Variants in IGFN1 observed in about 807,000 individuals in gnomAD.
The protein encoded by IGFN1 is immunoglobulin like and fibronectin type III domain containing 1.
A neutral mutation model predicts 289.5 loss-of-function variants in IGFN1; 253 were observed. The observed-to-expected ratio is 0.87, with a 90% CI of 0.79 to 0.97. The LOEUF (loss-of-function observed/expected upper bound fraction) is 0.97, where lower values mean the gene tolerates loss of function less well. Ranked by LOEUF, IGFN1 falls within the 50% of genes least tolerant of loss-of-function variation. The probability of loss-of-function intolerance (pLI) is 0.00; values close to 1 mark genes in which losing one functional copy is unlikely to be tolerated. For missense variants in IGFN1, 4,470 were observed against 4,686.1 expected (o/e 0.95, Z 1.35); for synonymous variants, 1,706 against 1,788.5 (o/e 0.95, Z 1.16).
chr1:201,194,347 C>A (rs1666795548), intron 3 of IGFN1, 74 bp downstream of exon 3: 2 of 1,506,318 alleles, frequency 1.3e-6, no homozygotes, highest in Non-Finnish European at 1.8e-6. Flanking sequence ...AGGGCTGGGG[C>A]ACCAACCTTC....
At position 201,224,683 on chromosome 1, in the gene IGFN1, T is replaced by C; in HGVS notation, c.10295T>C (p.Met3432Thr). 1 of 1,613,848 alleles carries C rather than the reference T, an allele frequency of 6.2e-7. No homozygotes were observed. Residue 3432 changes from methionine (M) to threonine (T), a missense_variant, in exon 21 of 24, where the codon ATG becomes ACG. Transcript: ENST00000335211. Reference sequence around the variant, plus strand: ...TTCCTTCCTCTCCTTTCTCAGGCCATGCCCATGCCTGAGGTGACCTGGCTG... The same window carrying C: ...TTCCTTCCTCTCCTTTCTCAGGCCACGCCCATGCCTGAGGTGACCTGGCTG... Reference protein sequence around the residue: ...TVRVPVSFEAMPMPEVTWLKD... With the variant: ...TVRVPVSFEATPMPEVTWLKD...
Position 201,212,234 on chromosome 1 carries a change from G to T in IGFN1, c.7341G>T (p.Val2447=). 2 of 1,534,686 alleles carry T rather than the reference G, an allele frequency of 1.3e-6. No individual in the cohort carries two copies. The highest frequency in any genetic ancestry group is 1.7e-4 in the Middle Eastern group (1 of 5,980). ...AHRDSLRGTG[V]LGSQGGRQTL... ...GAGACAGCCTCAGGGGCACAGGGGT[G>T]CTGGGGTCTCAGGGAGGGCGACAGA... The change falls in exon 12 of 24, where the codon GTG becomes GTT. Residue 2447 remains valine (V), a synonymous_variant. Coordinates refer to ENST00000335211, the MANE Select transcript of IGFN1 (RefSeq NM_001164586.2).
In IGFN1 at chr1:201,194,193, G is replaced by C. The variant is rs1196196544; in HGVS notation, c.47G>C (p.Trp16Ser). The C allele has an allele frequency of 1.1e-5, 17 of 1,551,516 alleles. No individual in the cohort carries two copies. Among genetic ancestry groups the C allele is most frequent in the Non-Finnish European group, 1.5e-5 (17 of 1,146,962 alleles). Residue 16 changes from tryptophan to serine, a missense_variant, in exon 3 of 24, where the codon TGG becomes TCG. Transcript: ENST00000335211. Reference protein sequence around the residue: ...RKSHIPGVSIWQLVEEIPEGC... With the variant: ...RKSHIPGVSISQLVEEIPEGC... ...TCCCACATCCCTGGAGTGAGCATCT[G>C]GCAGCTGGTGGAGGAGATCCCTGAA...
At chr1:201,220,015 T>TCTCC (rs1653614497) in intron 18 of IGFN1, among the ~76,000 whole-genome samples, 3 of 151,524 alleles carry the variant, frequency 2.0e-5, no homozygotes, top group Non-Finnish European at 2.9e-5. Context: ...TCTCTCTCTC[T>TCTCC]CTCCCCCTTC....
intron 18 of IGFN1, 45 bp downstream of exon 18, chr1:201,218,703 G>A (rs924850062): frequency 6.4e-7 from 1 of 1,567,174 alleles, no homozygotes; most frequent in African/African-American, 1.3e-5. Flanking sequence ...GTGAGCATGG[G>A]ATAGCCCTGA....
At chr1:201,191,574 C>T (rs1253187752) in intron 1 of IGFN1, among the ~76,000 whole-genome samples, 2 of 152,180 alleles carry the variant, frequency 1.3e-5, no homozygotes, top group East Asian at 1.9e-4. Flanking sequence ...AATTCATTTC[C>T]TTTCTCATCC....
intron 4 of IGFN1, among the ~76,000 whole-genome samples, chr1:201,196,795 G>T (rs78470329): frequency 7.2e-5 from 11 of 152,268 alleles, no homozygotes; most frequent in African/African-American, 2.6e-4. Context: ...CTATGTCCCA[G>T]GGGCTAAATA....
chr1:201,219,965 C>A (rs950411415), intron 18 of IGFN1, among the ~76,000 whole-genome samples: 46 of 143,156 alleles, frequency 3.2e-4, no homozygotes, highest in African/African-American at 1.1e-3. Context: ...CTCTCCTTCT[C>A]TCTTTCTTTC....
Position 201,208,033 on chromosome 1 carries a change from A to T in IGFN1, c.3140A>T (p.Asp1047Val). 1 of 1,536,884 alleles carries T rather than the reference A, an allele frequency of 6.5e-7. No individual in the cohort carries two copies. The change falls in exon 12 of 24, where the codon GAT becomes GTT. Residue 1047 changes from aspartate to valine, a missense_variant. Transcript: ENST00000335211. ...CTTAAAAATGGCTCAGGTGGTCCTGATGGAGCACCCATGAATGACACCAGG... is the reference window on the plus strand; with the variant it reads ...CTTAAAAATGGCTCAGGTGGTCCTGTTGGAGCACCCATGAATGACACCAGG... ...ASLKNGSGGPDGAPMNDTRNW... is the reference protein window; with the variant it reads ...ASLKNGSGGPVGAPMNDTRNW...
At position 201,211,938 on chromosome 1, in the gene IGFN1, G is replaced by C; in HGVS notation, c.7045G>C (p.Glu2349Gln). ...SYRGGSGGSG[E>Q]TGPEGKMGYG... ...TAGAGGAGGCTCAGGAGGATCTGGGGAAACGGGACCAGAGGGTAAGATGGG... is the reference window on the plus strand; with the variant it reads ...TAGAGGAGGCTCAGGAGGATCTGGGCAAACGGGACCAGAGGGTAAGATGGG... Residue 2349 changes from glutamate (E) to glutamine (Q), a missense_variant, in exon 12 of 24, where the codon GAA (glutamate) becomes CAA (glutamine). This residue lies in a region of IGFN1 where 2,218 missense variants were observed against 2,114.1 expected (regional missense o/e 1.05). Transcript: ENST00000335211. The C allele has an allele frequency of 6.5e-7, 1 of 1,528,126 alleles. No homozygotes were observed. The highest frequency in any genetic ancestry group is 8.8e-7 in the Non-Finnish European group (1 of 1,142,176). The allele number at this position is 1,528,126 out of a possible 1,614,324, so 94.7% of individuals were successfully genotyped here. A position where few individuals can be genotyped will look rare whatever the true frequency, so the allele number is the denominator to read the frequency against.
intron 20 of IGFN1, 33 bp downstream of exon 20, chr1:201,222,860 G>GC: frequency 6.7e-7 from 1 of 1,492,790 alleles, no homozygotes; most frequent in Non-Finnish European, 9.3e-7. Flanking sequence ...GGGGAGGGAA[G>GC]CCCAGAGAGG....
rs150422701 is a variant in IGFN1 at position 201,217,344 on chromosome 1, C to T, written c.9653C>T (p.Thr3218Ile). Reference protein sequence around the residue: ...AILSASSQGITLTWTAPRGPG... With the variant: ...AILSASSQGIILTWTAPRGPG... ...CTGTCGGCCTCCAGCCAGGGCATCA[C>T]ACTGACATGGACAGCACCTCGGGGC... is the stretch of plus-strand genomic sequence containing the variant. The change falls in exon 17 of 24, where the codon ACA (threonine) becomes ATA (isoleucine). Residue 3218 changes from threonine (T) to isoleucine (I), a missense_variant. By Grantham distance (89) the Thr-to-Ile change is moderately conservative. Transcript: ENST00000335211. The T allele has an allele frequency of 5.0e-6, 8 of 1,614,074 alleles. No individual in the cohort carries two copies. The African/African-American group carries it at 1.1e-4, about 22-fold the overall frequency.
chr1:201,214,938 G>T (rs1448010749), intron 13 of IGFN1, 75 bp from the exon 14 acceptor site: 11 of 1,491,506 alleles, frequency 7.4e-6, no homozygotes, highest in East Asian at 2.3e-5. Flanking sequence ...CATCAGTAAA[G>T]GGCTCTGGTT....
At position 201,211,033 on chromosome 1, in the gene IGFN1, G is replaced by T; in HGVS notation, c.6140G>T (p.Gly2047Val). ...DLGAPERIGS[G>V]SKAGFRDGLG... Reference sequence around the variant, plus strand: ...GGGGCTCCTGAGAGAATAGGTTCAGGAAGTAAGGCAGGTTTTAGGGATGGT... The same window carrying T: ...GGGGCTCCTGAGAGAATAGGTTCAGTAAGTAAGGCAGGTTTTAGGGATGGT... The change falls in exon 12 of 24, where the codon GGA becomes GTA. Residue 2047 changes from glycine to valine, a missense_variant. Gly to Val is a moderately radical substitution (Grantham distance 109). Coordinates refer to ENST00000335211, the MANE Select transcript of IGFN1 (RefSeq NM_001164586.2). 6.7e-7 allele frequency: 1 copy of T among 1,497,988 alleles called. No homozygotes were observed. Among genetic ancestry groups the T allele is most frequent in the Non-Finnish European group, 8.9e-7 (1 of 1,123,856 alleles). The allele number at this position is 1,497,988 out of a possible 1,614,324, so 92.8% of individuals were successfully genotyped here.
rs373760324 is a variant in IGFN1 at position 201,217,324 on chromosome 1, G to A, written c.9633G>A (p.Ser3211=). The change falls in exon 17 of 24, where the codon TCG becomes TCA. Residue 3211 remains serine (S), a synonymous_variant. Transcript: ENST00000335211. ...PKAPSAPAIL[S]ASSQGITLTW... ...CCCCTTCCGCGCCAGCCATCCTGTCGGCCTCCAGCCAGGGCATCACACTGA... is the reference window on the plus strand; with the variant it reads ...CCCCTTCCGCGCCAGCCATCCTGTCAGCCTCCAGCCAGGGCATCACACTGA... The A allele has an allele frequency of 3.1e-5, 50 of 1,613,934 alleles. No homozygotes were observed. The highest frequency in any genetic ancestry group is 1.3e-4 in the Admixed American group (8 of 59,998).
rs1667430468 is a variant in IGFN1 at position 201,206,550 on chromosome 1, T to C, written c.1657T>C (p.Trp553Arg). ...CAGAGACAGCAACAGTGATGAATGC[T>C]GGAGGAAAGCAGGAGGCTGGGAGGC... ...RGRDSNSDEC[W>R]RKAGGWEAGS... Residue 553 changes from tryptophan to arginine, a missense_variant, in exon 12 of 24, where the codon TGG (tryptophan) becomes CGG (arginine). By Grantham distance (101) the Trp-to-Arg change is moderately radical. This residue lies in a region of IGFN1 where 2,011 missense variants were observed against 1,953.4 expected (regional missense o/e 1.03). Transcript: ENST00000335211. 2 of 1,550,750 alleles carry C rather than the reference T, an allele frequency of 1.3e-6. No homozygotes were observed. The highest frequency in any genetic ancestry group is 1.7e-6 in the Non-Finnish European group (2 of 1,146,986).
At position 201,206,655 on chromosome 1, in the gene IGFN1, C is replaced by T. The variant is rs1296771410; in HGVS notation, c.1762C>T (p.Leu588=). Residue 588 remains leucine, a synonymous_variant, in exon 12 of 24, where the codon CTG becomes TTG. Transcript: ENST00000335211. ...KEHRGDSGRQ[L]DRHAPEQLWD... is the part of the protein sequence containing the mutation. ...GCACAGAGGGGACAGTGGAAGACAA[C>T]TGGACAGGCATGCCCCAGAGCAACT... 6.5e-7 allele frequency: 1 copy of T among 1,537,930 alleles called. No individual in the cohort carries two copies. The highest frequency in any genetic ancestry group is 1.2e-5 in the South Asian group (1 of 84,054).
intron 2 of IGFN1, among the ~76,000 whole-genome samples, chr1:201,193,536 C>T (rs1159513030): frequency 1.3e-5 from 2 of 152,192 alleles, no homozygotes; most frequent in African/African-American, 4.8e-5. Context: ...ACTGCAACCT[C>T]CACCTCCCAG....
chr1:201,216,542 T>G lies in IGFN1; in HGVS notation c.9384T>G (p.Asn3128Lys). ...VCLRWRPPRD[N>K]GGRTVECYVV... Reference sequence around the variant, plus strand: ...TCCGCTGGCGGCCCCCAAGGGACAATGGGGGCCGGACTGTAGAGTGCTACG... The same window carrying G: ...TCCGCTGGCGGCCCCCAAGGGACAAGGGGGGCCGGACTGTAGAGTGCTACG... The change falls in exon 16 of 24, where the codon AAT becomes AAG. Residue 3128 changes from asparagine (N) to lysine (K), a missense_variant. Physicochemically the swap from Asn to Lys is moderately conservative, Grantham distance 94. Coordinates refer to ENST00000335211, the MANE Select transcript of IGFN1 (RefSeq NM_001164586.2). 2.5e-6 allele frequency: 4 copies of G among 1,612,820 alleles called. No homozygotes were observed. Among genetic ancestry groups the G allele is most frequent in the African/African-American group, 1.3e-5 (1 of 74,976 alleles).
Sources: allele counts gnomAD v4.1 joint callset (sites outside exome capture counted in the v4.1 genomes callset), GRCh38; gene constraint gnomAD v4.1.1; regional missense constraint gnomAD v4.1.1; transcripts MANE v1.5; gene names NCBI Gene and HGNC (gene_info 2026-07-23, HGNC 2026-07-21).